The following LRRC39 variants were observed in gnomAD, a reference collection of about 807,000 sequenced individuals.
LRRC39 encodes the protein leucine-rich repeat-containing protein 39.
A neutral mutation model predicts 39.7 loss-of-function variants in LRRC39; 35 were observed. The ratio of observed to expected loss-of-function variants is 0.88; its 90% CI spans 0.67 to 1.17. The LOEUF (loss-of-function observed/expected upper bound fraction) is 1.17. Among genes scored for constraint, LRRC39 ranks in the 50% most tolerant of loss-of-function variants. The pLI, the probability that LRRC39 is intolerant of heterozygous loss-of-function variation, is 0.00. For missense variants in LRRC39, 357 were observed against 385.8 expected, an observed-to-expected ratio of 0.93 and a Z score of 0.62; for synonymous variants, 113 against 134.1, an observed-to-expected ratio of 0.84 and a Z score of 1.09.
intron 3 of LRRC39, among the ~76,000 whole-genome samples, chr1:100,167,805 T>G (rs1208797964): frequency 6.8e-6 from 1 of 147,176 alleles, no homozygotes; most frequent in Non-Finnish European, 1.5e-5. Context: ...ATAATAATAA[T>G]AATAATAATA....
Position 100,155,165 on chromosome 1 carries a change from T to G in LRRC39, c.698A>C (p.Glu233Ala). 1.2e-6 allele frequency: 2 copies of G among 1,610,420 alleles called. No homozygotes were observed. The highest frequency in any genetic ancestry group is 1.7e-6 in the Non-Finnish European group (2 of 1,178,786). ...GATTGTTTGAGGCAAGCATGTTATT[T>G]CATTTCGTTGCAGCCATAACGTATG... The part of the protein sequence containing the change: ...NLHTLWLQRN[E>A]ITCLPQTISN... The change falls in exon 8 of 10, where the codon GAA becomes GCA. Residue 233 changes from glutamate (E) to alanine (A), a missense_variant. Glu to Ala is a moderately radical substitution (Grantham distance 107). Coordinates refer to ENST00000370137, the MANE Select transcript of LRRC39 (RefSeq NM_144620.4).
chr1:100,160,470 C>G lies in LRRC39; in HGVS notation c.215G>C (p.Trp72Ser). 1.2e-6 allele frequency: 2 copies of G among 1,611,400 alleles called. No individual in the cohort carries two copies. The highest frequency in any genetic ancestry group is 1.7e-6 in the Non-Finnish European group (2 of 1,178,296). ...RVILKIEKEE[W>S]KTLPSSLLKL... is the part of the protein sequence containing the mutation. ...AAATATTCTATAAAAGCTTACCTTC[C>G]ATTCCTCTTTTTCTATCTTCAAAAT... Residue 72 changes from tryptophan to serine, a missense_variant, in exon 4 of 10, where the codon TGG becomes TCG. Transcript: ENST00000370137.
chr1:100,158,415 T>C, intron 5 of LRRC39, 48 bp from the exon 6 acceptor site: 2 of 1,539,336 alleles, frequency 1.3e-6, no homozygotes, highest in Non-Finnish European at 1.8e-6. Context: ...TAAAATAATC[T>C]TTATAGTTAT....
chr1:100,167,601 C>G (rs1483175325), intron 3 of LRRC39, among the ~76,000 whole-genome samples: 1 of 151,866 alleles, frequency 6.6e-6, no homozygotes, highest in South Asian at 2.1e-4. Context: ...ATGGTGAAAC[C>G]CTGTCTCTAC....
At chr1:100,179,411 C>T (rs1270165968), upstream of LRRC39, among the ~76,000 whole-genome samples, 1 of 142,156 alleles carries the variant, frequency 7.0e-6, no homozygotes, top group East Asian at 2.1e-4. Flanking sequence ...CCTGTAATCC[C>T]AGCACTTTGA....
intron 2 of LRRC39, among the ~76,000 whole-genome samples, chr1:100,168,925 A>G (rs1659420545): frequency 6.6e-6 from 1 of 152,076 alleles, no homozygotes; most frequent in Non-Finnish European, 1.5e-5. Flanking sequence ...AAATGGTTAA[A>G]TAATGGAGAT....
intron 3 of LRRC39, among the ~76,000 whole-genome samples, chr1:100,161,673 G>T (rs555545381): frequency 1.3e-5 from 2 of 152,212 alleles, no homozygotes; most frequent in Admixed American, 1.3e-4. Context: ...TTGAGACAAA[G>T]TCTCGCTCTG....
intron 9 of LRRC39, among the ~76,000 whole-genome samples, chr1:100,151,319 C>G (rs1326812536): frequency 6.6e-6 from 1 of 152,070 alleles, no homozygotes; most frequent in African/African-American, 2.4e-5. Flanking sequence ...ATTACCAATT[C>G]TGTCTCCTAA....
intron 8 of LRRC39, among the ~76,000 whole-genome samples, chr1:100,154,809 G>A (rs549520914): frequency 7.9e-5 from 12 of 152,148 alleles, no homozygotes; most frequent in Non-Finnish European, 1.8e-4. Context: ...TAAAATGGAA[G>A]ACATTTCTTA....
intron 1 of LRRC39, among the ~76,000 whole-genome samples, chr1:100,175,045 C>T (rs1272056889): frequency 6.6e-6 from 1 of 150,446 alleles, no homozygotes; most frequent in African/African-American, 2.4e-5. Context: ...GCAGGCTTCC[C>T]CCTTTGCCTT....
intron 2 of LRRC39, among the ~76,000 whole-genome samples, chr1:100,169,459 A>G (rs2101792785): frequency 6.6e-6 from 1 of 152,192 alleles, no homozygotes. Context: ...TACTTACTAA[A>G]CTCACTAATG....
intron 1 of LRRC39, among the ~76,000 whole-genome samples, chr1:100,177,714 G>T (rs1050239334): frequency 6.6e-6 from 1 of 152,102 alleles, no homozygotes; most frequent in African/African-American, 2.4e-5. Context: ...TCATCCATTT[G>T]CTAATTCATT....
At chr1:100,165,754 T>G (rs1659190548) in intron 3 of LRRC39, among the ~76,000 whole-genome samples, 2 of 152,162 alleles carry the variant, frequency 1.3e-5, no homozygotes, top group Admixed American at 1.3e-4. Flanking sequence ...GCTTCCATAA[T>G]TCCCACGTGT....
chr1:100,155,071 C>G lies in LRRC39; in HGVS notation c.792G>C (p.Met264Ile). 1.3e-6 allele frequency: 2 copies of G among 1,581,314 alleles called. No individual in the cohort carries two copies. Among genetic ancestry groups the G allele is most frequent in the African/African-American group, 1.4e-5 (1 of 72,766 alleles). ...TTTACCTCAGATTTGCCATTTCTTC[C>G]ATGCATACTGGAATATCTTGCAGTT... is the stretch of plus-strand genomic sequence containing the variant. The part of the protein sequence containing the change: ...NNKLQDIPVC[M>I]EEMANLRFVN... The change falls in exon 8 of 10, where the codon ATG becomes ATC. Residue 264 changes from methionine to isoleucine, a missense_variant. Coordinates refer to ENST00000370137, the MANE Select transcript of LRRC39 (RefSeq NM_144620.4).
Position 100,155,159 on chromosome 1 carries a change from G to C in LRRC39, c.704C>G (p.Thr235Arg). ...ATTGCTGATTGTTTGAGGCAAGCATGTTATTTCATTTCGTTGCAGCCATAA... is the reference window on the plus strand; with the variant it reads ...ATTGCTGATTGTTTGAGGCAAGCATCTTATTTCATTTCGTTGCAGCCATAA... ...HTLWLQRNEI[T>R]CLPQTISNMK... The change falls in exon 8 of 10, where the codon ACA (threonine) becomes AGA (arginine). Residue 235 changes from threonine (T) to arginine (R), a missense_variant. Transcript: ENST00000370137. The C allele has an allele frequency of 6.2e-7, 1 of 1,609,534 alleles. No individual in the cohort carries two copies. Among genetic ancestry groups the C allele is most frequent in the Non-Finnish European group, 8.5e-7 (1 of 1,178,342 alleles).
intron 2 of LRRC39, among the ~76,000 whole-genome samples, chr1:100,169,383 G>A (rs1659450476): frequency 6.6e-6 from 1 of 151,980 alleles, no homozygotes; most frequent in Non-Finnish European, 1.5e-5. Flanking sequence ...AACAACATAG[G>A]GAAACAGACA....
At chr1:100,171,272 C>CT (rs924889010) in intron 2 of LRRC39, among the ~76,000 whole-genome samples, 2 of 151,962 alleles carry the variant, frequency 1.3e-5, no homozygotes, top group Non-Finnish European at 2.9e-5. Context: ...GAACTATATC[C>CT]TACAATGACA....
At position 100,159,326 on chromosome 1, in the gene LRRC39, TC is replaced by T. The variant is rs749770013; in HGVS notation, c.308del (p.Gly103GlufsTer9). On this transcript the variant is annotated frameshift_variant, in exon 5 of 10. Coordinates refer to ENST00000370137, the MANE Select transcript of LRRC39 (RefSeq NM_144620.4). LOFTEE classifies it high-confidence loss of function. ...TGLLKIPEFI[G>X]RFQNLIVLDL... ...CTAACACAATGAGGTTCTGGAATCT[TC>T]CAATGAATTCAGGAATTTTCAGCAA... 6 of 1,611,416 alleles carry T rather than the reference TC, an allele frequency of 3.7e-6. No individual in the cohort carries two copies. The South Asian group carries it at 5.5e-5, about 15-fold the overall frequency.
intron 9 of LRRC39, among the ~76,000 whole-genome samples, chr1:100,151,671 C>T (rs1658043215): frequency 6.6e-6 from 1 of 152,136 alleles, no homozygotes; most frequent in Non-Finnish European, 1.5e-5. Context: ...AATAATTGTG[C>T]ACTTTGTCCT....
Sources: allele counts gnomAD v4.1 joint callset (sites outside exome capture counted in the v4.1 genomes callset), GRCh38; gene constraint gnomAD v4.1.1; transcripts MANE v1.5; gene names NCBI Gene and HGNC (gene_info 2026-07-23, HGNC 2026-07-21).